Variants in ADAMTSL3 observed in about 807,000 individuals in gnomAD.
The protein encoded by ADAMTSL3 is ADAMTS-like protein 3.
Under a neutral mutation model 201.7 loss-of-function variants are expected in ADAMTSL3, and 128 were observed. That is an observed-to-expected ratio of 0.63 (90% CI 0.55 to 0.73). ADAMTSL3 has a LOEUF of 0.73. ADAMTSL3 is among the 30% of genes least tolerant of loss of function. The pLI is 0.00. For synonymous variants in ADAMTSL3, 738 were observed against 748.4 expected (o/e 0.99, Z 0.23); for missense variants, 1,990 against 2,119.6 (o/e 0.94, Z 1.20).
At chr15:83,747,806 A>G (rs2062570899) in intron 3 of ADAMTSL3, among the ~76,000 whole-genome samples, 1 of 151,872 alleles carries the variant, frequency 6.6e-6, no homozygotes. Flanking sequence ...AACAAAAGGA[A>G]CAGTTTTGCT....
intron 22 of ADAMTSL3, among the ~76,000 whole-genome samples, chr15:83,989,342 T>G (rs891647724): frequency 5.3e-5 from 8 of 152,212 alleles, no homozygotes; most frequent in African/African-American, 1.9e-4. Context: ...ATTTTCAACA[T>G]GTGCCCAGGT....
intron 2 of ADAMTSL3, among the ~76,000 whole-genome samples, chr15:83,666,774 T>C (rs1356989232): frequency 6.6e-6 from 1 of 151,612 alleles, no homozygotes; most frequent in Admixed American, 6.6e-5. Context: ...ATTTGGGAGG[T>C]TGAGGCTGCA....
intron 19 of ADAMTSL3, among the ~76,000 whole-genome samples, chr15:83,957,591 A>C (rs948296118): frequency 5.3e-5 from 8 of 152,182 alleles, no homozygotes; most frequent in Non-Finnish European, 1.2e-4. Context: ...AATTGACAGG[A>C]CATGAGCAAA....
intron 17 of ADAMTSL3, among the ~76,000 whole-genome samples, chr15:83,941,087 T>G (rs1356580130): frequency 6.6e-6 from 1 of 151,964 alleles, no homozygotes; most frequent in Non-Finnish European, 1.5e-5. Context: ...TAATTTTTTT[T>G]GTCCATTTTT....
At chr15:83,852,524 T>C (rs927537140) in intron 7 of ADAMTSL3, among the ~76,000 whole-genome samples, 1 of 152,252 alleles carries the variant, frequency 6.6e-6, no homozygotes. Flanking sequence ...TTTGTACTTT[T>C]GTGCAAGCAT....
chr15:83,863,565 A>G (rs1470038045), intron 8 of ADAMTSL3, among the ~76,000 whole-genome samples: 6 of 152,218 alleles, frequency 3.9e-5, no homozygotes, highest in Admixed American at 6.5e-5. Context: ...TTTGAAACCA[A>G]TGAGAACAAA....
intron 9 of ADAMTSL3, among the ~76,000 whole-genome samples, chr15:83,873,761 G>A (rs1393805158): frequency 6.9e-6 from 1 of 145,574 alleles, no homozygotes; most frequent in African/African-American, 2.6e-5. Context: ...TTTCTCTTTT[G>A]CCATTCTCTG....
At chr15:83,847,856 A>C (rs1266384025) in intron 7 of ADAMTSL3, among the ~76,000 whole-genome samples, 1 of 151,600 alleles carries the variant, frequency 6.6e-6, no homozygotes, top group Non-Finnish European at 1.5e-5. Flanking sequence ...GGAATTAACA[A>C]ACACTTTTTT....
chr15:83,806,472 C>A (rs1184442075), intron 5 of ADAMTSL3, among the ~76,000 whole-genome samples: 1 of 152,184 alleles, frequency 6.6e-6, no homozygotes, highest in African/African-American at 2.4e-5. Flanking sequence ...CACCCTAGGA[C>A]ACATCTTTAG....
At chr15:83,924,229 G>T (rs2066207169) in intron 17 of ADAMTSL3, among the ~76,000 whole-genome samples, 196 bp downstream of exon 17, 1 of 152,232 alleles carries the variant, frequency 6.6e-6, no homozygotes, top group Admixed American at 6.5e-5. Context: ...TGTTGCACAG[G>T]AATGCTCTTC....
chr15:83,989,654 A>G (rs915442602), intron 22 of ADAMTSL3, among the ~76,000 whole-genome samples: 1 of 152,246 alleles, frequency 6.6e-6, no homozygotes, highest in African/African-American at 2.4e-5. Flanking sequence ...TGCTTTTATT[A>G]TAAAGAAACA....
At chr15:83,930,460 C>A (rs1411352453) in intron 17 of ADAMTSL3, among the ~76,000 whole-genome samples, 1 of 152,146 alleles carries the variant, frequency 6.6e-6, no homozygotes, top group Non-Finnish European at 1.5e-5. Context: ...AGCAACAAAT[C>A]TAGAAATTGT....
At chr15:83,784,312 A>C (rs2063225309) in intron 4 of ADAMTSL3, among the ~76,000 whole-genome samples, 2 of 152,162 alleles carry the variant, frequency 1.3e-5, no homozygotes. Context: ...TGCCACTCTA[A>C]TGTAGTGGGA....
chr15:83,788,222 T>C (rs2063294416), intron 4 of ADAMTSL3, among the ~76,000 whole-genome samples: 1 of 152,200 alleles, frequency 6.6e-6, no homozygotes. Context: ...TTTCATTCAC[T>C]TTAATTTTCT....
chr15:84,013,966 G>A (rs187393725), intron 23 of ADAMTSL3, among the ~76,000 whole-genome samples: 7 of 152,254 alleles, frequency 4.6e-5, no homozygotes, highest in East Asian at 3.9e-4. Context: ...GCATTGACCC[G>A]GAATTGAAAC....
chr15:83,719,776 A>G (rs1344126425), intron 3 of ADAMTSL3, among the ~76,000 whole-genome samples: 1 of 152,228 alleles, frequency 6.6e-6, no homozygotes, highest in Non-Finnish European at 1.5e-5. Context: ...AGCATCAACA[A>G]AACAAAAATG....
Position 83,858,821 on chromosome 15 carries a change from G to T in ADAMTSL3, c.783G>T (p.Val261=). 6.2e-7 allele frequency: 1 copy of T among 1,612,878 alleles called. No individual in the cohort carries two copies. Among genetic ancestry groups the T allele is most frequent in the Non-Finnish European group, 8.5e-7 (1 of 1,179,108 alleles). The change falls in exon 8 of 30, where the codon GTG becomes GTT. Residue 261 remains valine (V), a synonymous_variant. Transcript: ENST00000286744. ...PLGSRSVRIT[V]KGPAHLFIES... ...GAAGTCGAAGTGTGAGAATTACAGT[G>T]AAAGGACCTGCCCACCTCTGTAAGT... is the stretch of plus-strand genomic sequence containing the variant.
At chr15:83,923,637 C>G (rs1005067528) in intron 16 of ADAMTSL3, among the ~76,000 whole-genome samples, 8 of 152,138 alleles carry the variant, frequency 5.3e-5, no homozygotes, top group Non-Finnish European at 1.2e-4. Context: ...AGTTGGGATG[C>G]TCTTGAATGT....
chr15:83,849,608 T>TA (rs1160053439), intron 7 of ADAMTSL3, among the ~76,000 whole-genome samples: 2 of 152,194 alleles, frequency 1.3e-5, no homozygotes, highest in Non-Finnish European at 2.9e-5. Flanking sequence ...TTACTGTACT[T>TA]ACAATTGCTT....
Sources: gnomAD v4.1 joint callset for allele counts (sites outside exome capture counted in the v4.1 genomes callset) on GRCh38, gnomAD v4.1.1 for gene constraint, MANE v1.5 for transcripts, NCBI Gene and HGNC (gene_info 2026-07-23, HGNC 2026-07-21) for gene names.